Variants in CPNE4 observed in about 807,000 individuals in gnomAD.
CPNE4 encodes copine-4.
CPNE4 carries 25 observed loss-of-function variants against 67.9 expected under a neutral mutation model. The ratio of observed to expected loss-of-function variants is 0.37; its 90% CI spans 0.27 to 0.51. CPNE4 has a LOEUF of 0.51. Among genes scored for constraint, CPNE4 ranks in the 20% least tolerant of loss-of-function variants. CPNE4 has a pLI of 0.93. For synonymous variants in CPNE4, 242 were observed against 244.9 expected, an observed-to-expected ratio of 0.99 and a Z score of 0.11; for missense variants, 464 against 690.8, an observed-to-expected ratio of 0.67 and a Z score of 3.68.
intron 7 of CPNE4, among the ~76,000 whole-genome samples, chr3:131,654,107 G>A (rs573414965): frequency 1.8e-4 from 27 of 152,276 alleles, no homozygotes; most frequent in Non-Finnish European, 3.4e-4. Flanking sequence ...GGTACCAGTG[G>A]TTTTTAAAGC....
intron 2 of CPNE4, among the ~76,000 whole-genome samples, chr3:131,727,229 G>T (rs933797498): frequency 1.3e-5 from 2 of 152,132 alleles, no homozygotes; most frequent in Admixed American, 6.5e-5. Flanking sequence ...AAGGAAAAAG[G>T]CAGCTAGATT....
At chr3:131,724,539 G>A (rs535656029) in intron 2 of CPNE4, among the ~76,000 whole-genome samples, 4 of 152,298 alleles carry the variant, frequency 2.6e-5, no homozygotes, top group African/African-American at 4.8e-5. Flanking sequence ...CTGGGTTCTG[G>A]TTGGAGTCAG....
At chr3:131,922,632 T>C (rs1227722565) in intron 1 of CPNE4, among the ~76,000 whole-genome samples, 1 of 152,190 alleles carries the variant, frequency 6.6e-6, no homozygotes, top group East Asian at 1.9e-4. Flanking sequence ...ACATAACATA[T>C]GGTTGAAAGT....
intron 3 of CPNE4, among the ~76,000 whole-genome samples, chr3:131,710,411 A>G (rs1360440414): frequency 6.6e-6 from 1 of 152,154 alleles, no homozygotes; most frequent in Non-Finnish European, 1.5e-5. Context: ...GAGTCAATTT[A>G]TCAACTTGTG....
chr3:131,908,820 T>C (rs2088863739), intron 1 of CPNE4, among the ~76,000 whole-genome samples: 1 of 152,134 alleles, frequency 6.6e-6, no homozygotes, highest in Non-Finnish European at 1.5e-5. Context: ...TCACTGACCA[T>C]GTATCCTTGG....
intron 2 of CPNE4, among the ~76,000 whole-genome samples, chr3:131,724,295 T>C (rs2081954429): frequency 6.6e-6 from 1 of 152,168 alleles, no homozygotes; most frequent in South Asian, 2.1e-4. Context: ...ACCCATTCAT[T>C]TCAATTCCCT....
chr3:131,934,760 G>C (rs1297941488), intron 1 of CPNE4, among the ~76,000 whole-genome samples: 3 of 152,190 alleles, frequency 2.0e-5, no homozygotes, highest in African/African-American at 7.2e-5. Context: ...CAGAGACAAA[G>C]CTGTGGGAGC....
intron 7 of CPNE4, among the ~76,000 whole-genome samples, chr3:131,612,795 A>G (rs949422995): frequency 2.0e-5 from 3 of 152,184 alleles, no homozygotes; most frequent in African/African-American, 7.2e-5. Context: ...GCTGAAAAAT[A>G]AAATTAAAAC....
intron 14 of CPNE4, among the ~76,000 whole-genome samples, chr3:131,549,530 G>A (rs1936056134): frequency 6.6e-6 from 1 of 152,130 alleles, no homozygotes; most frequent in African/African-American, 2.4e-5. Context: ...TTACCACCAG[G>A]AGGCAGAATC....
At chr3:131,704,095 T>C (rs916157474) in intron 3 of CPNE4, among the ~76,000 whole-genome samples, 19 of 152,170 alleles carry the variant, frequency 1.2e-4, no homozygotes, top group African/African-American at 4.6e-4. Flanking sequence ...GTCTCTCTAG[T>C]GTTTTGCAAA....
At chr3:131,952,495 C>A (rs988850850) in intron 1 of CPNE4, among the ~76,000 whole-genome samples, 14 of 98,962 alleles carry the variant, frequency 1.4e-4, no homozygotes, top group African/African-American at 3.9e-4. Context: ...CCCCGCCAGG[C>A]CAGCCGCCCC....
At chr3:131,774,895 A>G (rs1253704979) in intron 2 of CPNE4, among the ~76,000 whole-genome samples, 1 of 152,136 alleles carries the variant, frequency 6.6e-6, no homozygotes, top group Admixed American at 6.6e-5. Context: ...GCCAACTGTT[A>G]AACAGCAGTT....
chr3:131,746,287 TCA>T (rs1395896776), intron 2 of CPNE4, among the ~76,000 whole-genome samples: 1 of 152,074 alleles, frequency 6.6e-6, no homozygotes, highest in South Asian at 2.1e-4. Flanking sequence ...AACATTAAAA[TCA>T]CTCTCTCTTA....
chr3:131,845,997 A>G (rs774309809), intron 2 of CPNE4, among the ~76,000 whole-genome samples: 2 of 152,216 alleles, frequency 1.3e-5, no homozygotes, highest in Non-Finnish European at 2.9e-5. Flanking sequence ...AAAGTTAACT[A>G]TAATTAAATT....
At position 131,886,081 on chromosome 3, in the gene CPNE4, C is replaced by T. The variant is rs373933775; in HGVS notation, c.180+19183G>A. ...CTCCAGGACATGTCAGAGATCTTCA[C>T]AGCAGCCCCTCCCATCACCAGCCTG... is the stretch of plus-strand genomic sequence containing the variant. On this transcript the variant is annotated intron_variant, in intron 2 of 15. Transcript: ENST00000429747. Among the ~76,000 whole-genome samples the T allele has an allele frequency of 2.0e-4, 31 of 152,306 alleles. 1 individual carries two copies. The South Asian group carries it at 6.4e-3, about 32-fold the overall frequency.
intron 7 of CPNE4, among the ~76,000 whole-genome samples, chr3:131,658,504 G>T (rs1240897198): frequency 6.6e-6 from 1 of 152,216 alleles, no homozygotes; most frequent in East Asian, 1.9e-4. Context: ...CACACTCTCA[G>T]AGAGAAAATA....
At chr3:131,825,621 G>A (rs901999689) in intron 2 of CPNE4, among the ~76,000 whole-genome samples, 4 of 152,090 alleles carry the variant, frequency 2.6e-5, no homozygotes, top group Admixed American at 1.3e-4. Flanking sequence ...GAGAAGGGTC[G>A]AGGATCATTT....
chr3:131,921,831 A>G (rs2070746437), intron 1 of CPNE4, among the ~76,000 whole-genome samples: 2 of 152,250 alleles, frequency 1.3e-5, no homozygotes, highest in Admixed American at 6.5e-5. Flanking sequence ...AGACCAAGTC[A>G]GTGATCACAA....
intron 2 of CPNE4, among the ~76,000 whole-genome samples, chr3:131,856,542 A>G (rs1266155749): frequency 6.6e-6 from 1 of 152,024 alleles, no homozygotes; most frequent in African/African-American, 2.4e-5. Flanking sequence ...GCTGTTGTCT[A>G]GAAGATGGGA....
Sources: gnomAD v4.1 joint callset for allele counts (sites outside exome capture counted in the v4.1 genomes callset) on GRCh38, gnomAD v4.1.1 for gene constraint, MANE v1.5 for transcripts, NCBI Gene and HGNC (gene_info 2026-07-23, HGNC 2026-07-21) for gene names.